Variants in BRCA1 observed in about 807,000 individuals in gnomAD.
BRCA1 encodes the protein breast cancer type 1 susceptibility protein.
BRCA1 carries 140 observed loss-of-function variants against 173.7 expected under a neutral mutation model. The observed-to-expected ratio is 0.81, with a 90% CI of 0.70 to 0.93. The LOEUF is 0.93. Ranked by LOEUF, BRCA1 falls within the 40% of genes least tolerant of loss-of-function variation. BRCA1 has a pLI of 0.00. For missense variants in BRCA1, 1,983 were observed against 2,172.5 expected, an observed-to-expected ratio of 0.91 and a Z score of 1.73; for synonymous variants, 662 against 756.0, an observed-to-expected ratio of 0.88 and a Z score of 2.04.
intron 18 of BRCA1, 49 bp downstream of exon 18, chr17:43,063,284 A>G (rs2153548217): frequency 6.8e-7 from 1 of 1,465,090 alleles, no homozygotes; most frequent in Non-Finnish European, 9.6e-7. Context: ...ATTTTTAACT[A>G]TATGACTGAA....
rs967624732 is a variant in BRCA1 at position 43,097,269 on chromosome 17, T to C, written c.568A>G (p.Thr190Ala). ...CTGCAATAAGTTGCCTTATTAACGG[T>C]ATCTTCAGAAGAATCAGATCCTAAA... ...IELGSDSSED[T>A]VNKATYCSVG... Residue 190 changes from threonine (T) to alanine (A), a missense_variant, in exon 8 of 23, where the codon ACC becomes GCC. Physicochemically the swap from Thr to Ala is moderately conservative, Grantham distance 58 (BLOSUM62 0). Transcript: ENST00000357654. The C allele has an allele frequency of 6.2e-7, 1 of 1,613,730 alleles. No homozygotes were observed. Among genetic ancestry groups the C allele is most frequent in the Non-Finnish European group, 8.5e-7 (1 of 1,179,860 alleles).
intron 18 of BRCA1, among the ~76,000 whole-genome samples, chr17:43,058,238 G>C (rs1247352514): frequency 6.6e-6 from 1 of 151,800 alleles, no homozygotes. Flanking sequence ...GCCAGGCATA[G>C]TTGCATGTGC....
chr17:43,125,167 C>G (rs752555905), intron 1 of BRCA1, 104 bp downstream of exon 1: 41 of 455,542 alleles, frequency 9.0e-5, no homozygotes, highest in South Asian at 6.0e-4. Flanking sequence ...GCCCCTACCC[C>G]CCGTCAAAGA....
chr17:43,056,266 T>C (rs1005156042), intron 19 of BRCA1, among the ~76,000 whole-genome samples: 1 of 151,958 alleles, frequency 6.6e-6, no homozygotes, highest in Non-Finnish European at 1.5e-5. Context: ...CCCCTCTTCT[T>C]GGGCTCAAGA....
intron 1 of BRCA1, among the ~76,000 whole-genome samples, chr17:43,154,287 CA>C (rs1204290503): frequency 6.6e-6 from 1 of 152,136 alleles, no homozygotes; most frequent in Non-Finnish European, 1.5e-5. Flanking sequence ...ATTTCGAGAC[CA>C]GCCTGGCCAA....
At chr17:43,076,408 G>T (rs2154054435) in intron 13 of BRCA1, 80 bp downstream of exon 13, 1 of 1,546,860 alleles carries the variant, frequency 6.5e-7, no homozygotes, top group Non-Finnish European at 8.9e-7. Context: ...GAGAAAGTAT[G>T]GTGAAAAAAA....
chr17:43,108,361 T>A (rs768065380), intron 3 of BRCA1, among the ~76,000 whole-genome samples: 1 of 147,628 alleles, frequency 6.8e-6, no homozygotes, highest in Non-Finnish European at 1.5e-5. Context: ...GCATTGGGAA[T>A]TGTGAGAAAA....
At chr17:43,158,035 G>GA (rs2056209235) in intron 1 of BRCA1, among the ~76,000 whole-genome samples, 1 of 151,626 alleles carries the variant, frequency 6.6e-6, no homozygotes, top group Admixed American at 6.6e-5. Flanking sequence ...CAGAAAATAG[G>GA]AAAAAAGCAA....
At chr17:43,161,582 C>CT (rs1176064363) in intron 1 of BRCA1, 2 of 152,128 alleles carry the variant, frequency 1.3e-5, no homozygotes, top group African/African-American at 4.8e-5. Flanking sequence ...CTGGGTGGGC[C>CT]TAAACGGTCT....
At chr17:43,144,324 AAGAC>A (rs1297431869) in intron 1 of BRCA1, 1 of 232,060 alleles carries the variant, frequency 4.3e-6, no homozygotes, top group Non-Finnish European at 9.0e-6. Context: ...GCTTGGGAAA[AAGAC>A]AGGGCTTGGC....
At chr17:43,057,562 G>T (rs561027686) in intron 18 of BRCA1, among the ~76,000 whole-genome samples, 2 of 151,620 alleles carry the variant, frequency 1.3e-5, no homozygotes, top group South Asian at 4.2e-4. Context: ...TAGGCCGGGT[G>T]TGGTGGCTCA....
rs147146590 is a variant in BRCA1, at chr17:43,147,131, A to G, written c.-20+22995T>C. Reference sequence around the variant, plus strand: ...GCAATTCTGCCTTAGCCTCCCAAGTAGCTGAGATTACAGGCTGCGCCACCG... The same window carrying G: ...GCAATTCTGCCTTAGCCTCCCAAGTGGCTGAGATTACAGGCTGCGCCACCG... On this transcript the variant is annotated intron_variant, in intron 1 of 7. Transcript: ENST00000634433. Among the ~76,000 whole-genome samples the G allele has an allele frequency of 2.6e-3, 390 of 152,234 alleles. 1 individual carries two copies. The highest frequency in any genetic ancestry group is 9.1e-3 in the African/African-American group (376 of 41,534).
At chr17:43,161,383 C>T (rs1597946690) in intron 1 of BRCA1, 1 of 152,312 alleles carries the variant, frequency 6.6e-6, no homozygotes, top group Non-Finnish European at 1.5e-5. Flanking sequence ...GTTTCAATTT[C>T]TTATAGCTAT....
chr17:43,098,298 G>A (rs1461296032), intron 7 of BRCA1, among the ~76,000 whole-genome samples: 1 of 151,884 alleles, frequency 6.6e-6, no homozygotes, highest in Non-Finnish European at 1.5e-5. Context: ...GATTACAGAT[G>A]TGAGCTACTA....
chr17:43,100,670 ATATATATAATATATAT>A lies in BRCA1; in HGVS notation c.442-806_442-791del, dbSNP rs1279685714. Reference sequence around the variant, plus strand: ...ACATATATATAACATATATATATATATATATATAATATATATATATATATATATATATGTAATCCCA... The same window carrying A: ...ACATATATATAACATATATATATATAATATATATATATATATGTAATCCCA... On this transcript the variant is annotated intron_variant, in intron 6 of 22. Transcript: ENST00000357654. 6.9e-5 allele frequency among the ~76,000 whole-genome samples: 2 copies of A among 29,118 alleles called. 1 individual carries two copies. Among genetic ancestry groups the A allele is most frequent in the African/African-American group, 6.4e-4 (2 of 3,138 alleles). The allele number at this position is 29,118 out of a possible 152,430, so 19.1% of individuals were successfully genotyped here.
At chr17:43,147,357 T>C (rs1442786677) in intron 1 of BRCA1, among the ~76,000 whole-genome samples, 1 of 152,074 alleles carries the variant, frequency 6.6e-6, no homozygotes, top group Non-Finnish European at 1.5e-5. Context: ...GCCCGGCTAA[T>C]TTTTTGTATT....
chr17:43,149,977 C>T (rs1230003240), intron 1 of BRCA1, among the ~76,000 whole-genome samples: 2 of 152,028 alleles, frequency 1.3e-5, no homozygotes, highest in Non-Finnish European at 2.9e-5. Context: ...TTAATAGAGA[C>T]GGGGTTTCAC....
At chr17:43,128,972 T>G (rs1221504073), upstream of BRCA1, among the ~76,000 whole-genome samples, 4 of 152,104 alleles carry the variant, frequency 2.6e-5, no homozygotes, top group Admixed American at 6.6e-5. Context: ...CTTGGATAAC[T>G]TGGCTTGTAC....
intron 12 of BRCA1, among the ~76,000 whole-genome samples, chr17:43,077,109 G>A (rs1251313124): frequency 1.3e-5 from 2 of 151,924 alleles, no homozygotes; most frequent in Admixed American, 1.3e-4. Flanking sequence ...AACAAGACAT[G>A]AGTGTCAGAC....
Sources: allele counts gnomAD v4.1 joint callset (sites outside exome capture counted in the v4.1 genomes callset), GRCh38; gene constraint gnomAD v4.1.1; transcripts MANE v1.5; gene names NCBI Gene and HGNC (gene_info 2026-07-23, HGNC 2026-07-21).